The following FRMD3 variants were observed in gnomAD, a reference collection of about 807,000 sequenced individuals.
FRMD3 encodes the protein FERM domain-containing protein 3.
FRMD3 carries 33 observed loss-of-function variants against 70.2 expected under a neutral mutation model. That is an observed-to-expected ratio of 0.47 (90% CI 0.36 to 0.63). The LOEUF (loss-of-function observed/expected upper bound fraction) is 0.63, where lower values mean the gene tolerates loss of function less well. FRMD3 is among the 20% of genes least tolerant of loss of function. FRMD3 has a pLI of 0.00. For missense variants in FRMD3, 632 were observed against 711.4 expected (o/e 0.89, Z 1.27); for synonymous variants, 279 against 255.9 (o/e 1.09, Z -0.86).
chr9:83,327,106 G>A (rs1255644385), intron 6 of FRMD3, among the ~76,000 whole-genome samples: 1 of 152,188 alleles, frequency 6.6e-6, no homozygotes, highest in African/African-American at 2.4e-5. Flanking sequence ...GGCAGGGAAG[G>A]GAGTGGTTCT....
chr9:83,373,020 T>C (rs3739657), intron 2 of FRMD3, 65 bp from the exon 3 acceptor site: 497,796 of 1,303,680 alleles, frequency 0.38, 99,006 homozygotes, highest in African/African-American at 0.57. Flanking sequence ...AACGAATACC[T>C]AATAACTAAA....
chr9:83,387,801 C>A (rs988769950), intron 2 of FRMD3, among the ~76,000 whole-genome samples: 1 of 152,148 alleles, frequency 6.6e-6, no homozygotes, highest in Non-Finnish European at 1.5e-5. Flanking sequence ...GGTCCCCAGA[C>A]CAAAGCTGGC....
At chr9:83,555,818 G>A in the FRMD3 span, among the ~76,000 whole-genome samples, 1 of 152,218 alleles carries the variant, frequency 6.6e-6, no homozygotes, top group Admixed American at 6.5e-5. Context: ...CTGTCTGTCA[G>A]ACTGAGGACT....
At chr9:83,296,035 A>C (rs1535750) in intron 12 of FRMD3, among the ~76,000 whole-genome samples, 75,777 of 152,140 alleles carry the variant, frequency 0.5, 20,713 homozygotes, top group South Asian at 0.7. Context: ...AGAGTAGAAT[A>C]TCAGAATGTG....
the FRMD3 span, among the ~76,000 whole-genome samples, chr9:83,557,527 G>C: frequency 1.1e-4 from 16 of 152,284 alleles, no homozygotes; most frequent in Admixed American, 4.6e-4. Context: ...CAGATAACAG[G>C]ATTAGCAGAC....
intron 1 of FRMD3, among the ~76,000 whole-genome samples, chr9:83,466,558 C>T (rs540825572): frequency 8.6e-4 from 131 of 152,226 alleles, no homozygotes; most frequent in African/African-American, 3.0e-3. Context: ...GAGCGTTTGC[C>T]TAACAGACGC....
At chr9:83,427,795 G>A (rs1023457666) in intron 1 of FRMD3, among the ~76,000 whole-genome samples, 13 of 152,134 alleles carry the variant, frequency 8.5e-5, no homozygotes, top group African/African-American at 3.1e-4. Flanking sequence ...AGGCCAGCAA[G>A]CATATGAAAA....
chr9:83,550,955 G>C, the FRMD3 span, among the ~76,000 whole-genome samples: 75 of 152,122 alleles, frequency 4.9e-4, no homozygotes, highest in East Asian at 9.1e-3. Flanking sequence ...CTTCCTATTT[G>C]TACACCCTTT....
intron 5 of FRMD3, among the ~76,000 whole-genome samples, chr9:83,336,065 C>CA (rs1290751683): frequency 6.6e-6 from 1 of 151,960 alleles, no homozygotes; most frequent in Non-Finnish European, 1.5e-5. Context: ...AGAAGTTAGT[C>CA]AAAGAATACA....
chr9:83,361,005 G>C (rs1824565690), intron 3 of FRMD3, among the ~76,000 whole-genome samples: 1 of 152,130 alleles, frequency 6.6e-6, no homozygotes, highest in African/African-American at 2.4e-5. Flanking sequence ...ACAGATACCT[G>C]GCCCAACCTA....
At chr9:83,364,033 T>G (rs1208381940) in intron 3 of FRMD3, among the ~76,000 whole-genome samples, 1 of 152,250 alleles carries the variant, frequency 6.6e-6, no homozygotes, top group Non-Finnish European at 1.5e-5. Context: ...GCATTTCCTT[T>G]GTAGCTAATG....
At chr9:83,262,674 CAT>C (rs1464150744) in intron 13 of FRMD3, among the ~76,000 whole-genome samples, 1 of 152,114 alleles carries the variant, frequency 6.6e-6, no homozygotes, top group Non-Finnish European at 1.5e-5. Flanking sequence ...GAGGGGTTCC[CAT>C]ATGTGTCATG....
Position 83,246,155 on chromosome 9 carries a change from A to G in FRMD3, c.*1763T>C. 1 of 985,318 alleles carries G rather than the reference A, an allele frequency of 1.0e-6. No individual in the cohort carries two copies. The highest frequency in any genetic ancestry group is 1.2e-6 in the Non-Finnish European group (1 of 829,862). 61.0% of individuals were successfully genotyped at this position (985,318 alleles called of 1,614,324 possible). ...AAATGTATTGCCCAATTTAGAAATC[A>G]TGCTAATGATAGGGTTGGAATGTCA... On this transcript the variant is annotated 3_prime_UTR_variant, in exon 14 of 14. Transcript: ENST00000304195.
intron 7 of FRMD3, 86 bp from the exon 8 acceptor site, chr9:83,312,061 C>A (rs1835383087): frequency 7.9e-6 from 8 of 1,010,338 alleles, no homozygotes; most frequent in Non-Finnish European, 1.1e-5. Context: ...TATTCATCCT[C>A]ACCCTAGGTT....
chr9:83,517,836 T>C (rs925337510), intron 1 of FRMD3, among the ~76,000 whole-genome samples: 3 of 152,120 alleles, frequency 2.0e-5, no homozygotes, highest in African/African-American at 4.8e-5. Context: ...ATTCAACATA[T>C]GCAAATCAAT....
chr9:83,461,665 C>CTTTTTTT (rs200147815), intron 1 of FRMD3, among the ~76,000 whole-genome samples: 11 of 70,698 alleles, frequency 1.6e-4, no homozygotes, highest in Non-Finnish European at 2.3e-4. Flanking sequence ...AGGAATTTCC[C>CTTTTTTT]TTTTTTTTTT....
chr9:83,441,886 T>C (rs1191707353), intron 1 of FRMD3, among the ~76,000 whole-genome samples: 1 of 152,190 alleles, frequency 6.6e-6, no homozygotes, highest in African/African-American at 2.4e-5. Context: ...AAAAGGCCAG[T>C]ATGAACTCCA....
At chr9:83,522,308 A>G (rs1829587345) in intron 1 of FRMD3, among the ~76,000 whole-genome samples, 2 of 152,114 alleles carry the variant, frequency 1.3e-5, no homozygotes, top group Non-Finnish European at 1.5e-5. Flanking sequence ...AAAATGGCTA[A>G]CATGGTGTCG....
intron 10 of FRMD3, among the ~76,000 whole-genome samples, chr9:83,303,613 A>C (rs1835005979): frequency 6.6e-6 from 1 of 152,202 alleles, no homozygotes; most frequent in Admixed American, 6.5e-5. Context: ...TTAACCCCTC[A>C]ATGGCATGTT....
Sources: gnomAD v4.1 joint callset for allele counts (sites outside exome capture counted in the v4.1 genomes callset) on GRCh38, gnomAD v4.1.1 for gene constraint, MANE v1.5 for transcripts, NCBI Gene and HGNC (gene_info 2026-07-23, HGNC 2026-07-21) for gene names.